The following ZBTB25 variants were observed in gnomAD, a reference collection of about 807,000 sequenced individuals.
ZBTB25 encodes zinc finger and BTB domain containing 25.
In ZBTB25, 20 loss-of-function variants were observed where a neutral mutation model predicts 34.2. The ratio of observed to expected loss-of-function variants is 0.58; its 90% CI spans 0.41 to 0.85. The LOEUF (loss-of-function observed/expected upper bound fraction) is 0.85, where lower values mean the gene tolerates loss of function less well. Ranked by LOEUF, ZBTB25 falls within the 40% of genes least tolerant of loss-of-function variation. The pLI, the probability that ZBTB25 is intolerant of heterozygous loss-of-function variation, is 0.00. For missense variants in ZBTB25, 437 were observed against 521.8 expected, an observed-to-expected ratio of 0.84 and a Z score of 1.58; for synonymous variants, 175 against 186.4, an observed-to-expected ratio of 0.94 and a Z score of 0.50.
chr14:64,449,745 G>A (rs899481515), intron 2 of ZBTB25: 14 of 1,152,260 alleles, frequency 1.2e-5, no homozygotes, highest in Admixed American at 4.0e-5. Context: ...TGATTCCCAC[G>A]TAGGTGACTT....
intron 2 of ZBTB25, 97 bp downstream of exon 2, chr14:64,490,264 T>C: frequency 1.4e-6 from 1 of 710,448 alleles, no homozygotes; most frequent in Non-Finnish European, 2.0e-6. Flanking sequence ...TACTTCTTAG[T>C]GTGACTCCGT....
chr14:64,477,408 TTA>T (rs1304383698), downstream of ZBTB25, among the ~76,000 whole-genome samples: 1 of 152,176 alleles, frequency 6.6e-6, no homozygotes, highest in Non-Finnish European at 1.5e-5. Context: ...ACTCTTCCCT[TTA>T]TATGTCTTTC....
chr14:64,453,128 TA>T (rs1371271369), intron 2 of ZBTB25, among the ~76,000 whole-genome samples: 2 of 151,998 alleles, frequency 1.3e-5, no homozygotes, highest in African/African-American at 4.8e-5. Flanking sequence ...CTTATGTAAG[TA>T]TATATTTAAA....
At chr14:64,499,860 G>A (rs373306991) in intron 1 of ZBTB25, among the ~76,000 whole-genome samples, 29 of 152,306 alleles carry the variant, frequency 1.9e-4, no homozygotes, top group African/African-American at 6.3e-4. Flanking sequence ...TATGGAGGGG[G>A]TAGATGAAAC....
intron 1 of ZBTB25, chr14:64,503,425 G>C (rs1441825949): frequency 1.5e-5 from 15 of 985,348 alleles, no homozygotes; most frequent in Non-Finnish European, 1.8e-5. Flanking sequence ...GGCCCCGGCA[G>C]CCGCTCCTAC....
chr14:64,497,913 T>C (rs1444838808), intron 1 of ZBTB25, among the ~76,000 whole-genome samples: 1 of 152,222 alleles, frequency 6.6e-6, no homozygotes, highest in Non-Finnish European at 1.5e-5. Flanking sequence ...GTCTTAGGTA[T>C]TTTCTCTGTC....
chr14:64,466,879 A>G (rs1349479413), intron 2 of ZBTB25, among the ~76,000 whole-genome samples: 1 of 152,202 alleles, frequency 6.6e-6, no homozygotes, highest in Non-Finnish European at 1.5e-5. Flanking sequence ...GTGCCATCAT[A>G]CCATTCTAAG....
intron 1 of ZBTB25, among the ~76,000 whole-genome samples, chr14:64,496,487 T>A (rs2079280911): frequency 6.6e-6 from 1 of 151,904 alleles, no homozygotes; most frequent in South Asian, 2.1e-4. Flanking sequence ...CGAGACTCCA[T>A]CTCAAAAAAA....
Position 64,486,840 on chromosome 14 carries a change from A to G in ZBTB25, c.*83T>C. The G allele has an allele frequency of 6.8e-7, 1 of 1,476,018 alleles. No homozygotes were observed. Among genetic ancestry groups the G allele is most frequent in the Non-Finnish European group, 9.0e-7 (1 of 1,116,696 alleles). The allele number at this position is 1,476,018 out of a possible 1,614,324, so 91.4% of individuals were successfully genotyped here. On this transcript the variant is annotated 3_prime_UTR_variant, in exon 3 of 3. Transcript: ENST00000608382. ...GAAGAAAAAAAGTCAATGAAACTTG[A>G]GGAGGAAAATAATTTATGAATTAAA...
intron 2 of ZBTB25, chr14:64,472,178 G>A (rs1414086758): frequency 7.2e-5 from 12 of 167,068 alleles, no homozygotes. Context: ...CTCACTATAT[G>A]TGGTGCTAAT....
chr14:64,455,369 G>A (rs1347521448), intron 2 of ZBTB25, among the ~76,000 whole-genome samples: 1 of 152,202 alleles, frequency 6.6e-6, no homozygotes, highest in African/African-American at 2.4e-5. Flanking sequence ...GGACCCTTGA[G>A]ATATGAAAGG....
chr14:64,485,585 G>C lies in ZBTB25; in HGVS notation c.*1338C>G, dbSNP rs2123459. On this transcript the variant is annotated 3_prime_UTR_variant, in exon 3 of 3. Transcript: ENST00000608382. ...TAAAAGAGAGTTAAGTTGATTTATA[G>C]AGGAAAAGCTAACATCATGGATCTT... The C allele has an allele frequency of 2.0e-6, 2 of 985,028 alleles. No individual in the cohort carries two copies. Among genetic ancestry groups the C allele is most frequent in the African/African-American group, 1.7e-5 (1 of 57,312 alleles). 61.0% of individuals were successfully genotyped at this position (985,028 alleles called of 1,614,324 possible).
chr14:64,487,323 T>C lies in ZBTB25; in HGVS notation c.908A>G (p.Lys303Arg), dbSNP rs764928964. The C allele has an allele frequency of 3.7e-6, 6 of 1,613,964 alleles. No homozygotes were observed. Among genetic ancestry groups the C allele is most frequent in the Non-Finnish European group, 3.4e-6 (4 of 1,180,016 alleles). The change falls in exon 3 of 3, where the codon AAG (lysine) becomes AGG (arginine). Residue 303 changes from lysine (K) to arginine (R), a missense_variant. Coordinates refer to ENST00000608382, the MANE Select transcript of ZBTB25 (RefSeq NM_006977.5). ...ECRRLSSFIVKENEQQPDHTN... is the reference protein window; with the variant it reads ...ECRRLSSFIVRENEQQPDHTN... ...GTGGTCTGGCTGCTGTTCATTCTCC[T>C]TAACAATGAAGGAGCTGAGCCTGCG...
rs1267447408 is a variant in ZBTB25, at chr14:64,500,473, A to AG, written c.-8+3187_-8+3188insC. 3.1e-3 allele frequency among the ~76,000 whole-genome samples: 453 copies of AG among 144,154 alleles called. 4 individuals are homozygous for AG. Among genetic ancestry groups the AG allele is most frequent in the African/African-American group, 0.011 (430 of 39,478 alleles). The allele number at this position is 144,154 out of a possible 152,430, so 94.6% of individuals were successfully genotyped here. A position where few individuals can be genotyped will look rare whatever the true frequency, so the allele number is the denominator to read the frequency against. On this transcript the variant is annotated intron_variant, in intron 1 of 2. Transcript: ENST00000608382. Reference sequence around the variant, plus strand: ...ATAAAGCAAAAAAAAAAAAAAAAAAAAAAGAGAGAGAGAGAGAAAGAAAAT... The same window carrying AG: ...ATAAAGCAAAAAAAAAAAAAAAAAAAGAAAGAGAGAGAGAGAGAAAGAAAAT...
intron 1 of ZBTB25, among the ~76,000 whole-genome samples, chr14:64,502,297 C>T (rs943617765): frequency 2.6e-5 from 4 of 152,214 alleles, no homozygotes; most frequent in Admixed American, 2.6e-4. Flanking sequence ...CCTGACCACA[C>T]CTTGATATTT....
At chr14:64,492,166 TA>T (rs2079104832) in intron 1 of ZBTB25, among the ~76,000 whole-genome samples, 2 of 145,880 alleles carry the variant, frequency 1.4e-5, no homozygotes, top group Non-Finnish European at 3.0e-5. Context: ...ACTACATATT[TA>T]ATGTACTGAT....
At chr14:64,496,923 G>C (rs568515906) in intron 1 of ZBTB25, among the ~76,000 whole-genome samples, 7 of 152,224 alleles carry the variant, frequency 4.6e-5, no homozygotes, top group Non-Finnish European at 7.4e-5. Context: ...GGTACTATCA[G>C]CTCTATTTTA....
rs958722943 is a variant in ZBTB25, at chr14:64,479,570, ACCCT to A, written c.*7349_*7352del. ...ATCAGTAGACTGCGTAAAGAAGATC[ACCCT>A]CCCTGATGTGGGTGGCTCTCATTCC... On this transcript the variant is annotated 3_prime_UTR_variant, in exon 3 of 3. Transcript: ENST00000608382. The A allele has an allele frequency of 6.6e-6, 1 of 152,128 alleles. No individual in the cohort carries two copies. Among genetic ancestry groups the A allele is most frequent in the Non-Finnish European group, 1.5e-5 (1 of 68,042 alleles). The allele number at this position is 152,128 out of a possible 1,614,324, so 9.4% of individuals were successfully genotyped here.
chr14:64,463,500 G>T (rs985435055), intron 2 of ZBTB25: 1 of 151,830 alleles, frequency 6.6e-6, no homozygotes, highest in Admixed American at 6.6e-5. Flanking sequence ...TAAAAGAAAG[G>T]CAAGTGAAGG....
Sources: gnomAD v4.1 joint callset for allele counts (sites outside exome capture counted in the v4.1 genomes callset) on GRCh38, gnomAD v4.1.1 for gene constraint, MANE v1.5 for transcripts, NCBI Gene and HGNC (gene_info 2026-07-23, HGNC 2026-07-21) for gene names.